CNTN5: variants seen among roughly 807,000 people sequenced by gnomAD.
CNTN5 encodes contactin-5.
In CNTN5, 77 loss-of-function variants were observed where a neutral mutation model predicts 129.1. The ratio of observed to expected loss-of-function variants is 0.60; its 90% CI spans 0.50 to 0.72. CNTN5 has a LOEUF of 0.72. CNTN5 is among the 30% of genes least tolerant of loss of function. CNTN5 has a pLI of 0.00. For missense variants in CNTN5, 1,478 were observed against 1,328.8 expected (o/e 1.11, Z -1.75); for synonymous variants, 509 against 465.6 (o/e 1.09, Z -1.20).
chr11:100,352,342 T>C (rs936354468), intron 24 of CNTN5, among the ~76,000 whole-genome samples: 3 of 151,770 alleles, frequency 2.0e-5, no homozygotes, highest in Non-Finnish European at 4.4e-5. Context: ...AGATATTACA[T>C]CAACATTCAT....
intron 13 of CNTN5, among the ~76,000 whole-genome samples, chr11:100,157,609 T>C (rs1947295103): frequency 6.6e-6 from 1 of 151,742 alleles, no homozygotes; most frequent in African/African-American, 2.4e-5. Context: ...GAAAATTATA[T>C]GAAAGTGCGA....
intron 18 of CNTN5, among the ~76,000 whole-genome samples, chr11:100,295,198 TTTACA>T (rs1951076935): frequency 6.6e-6 from 1 of 151,652 alleles, no homozygotes; most frequent in African/African-American, 2.4e-5. Flanking sequence ...ATCTTATTTC[TTTACA>T]TTAAGTTGAA....
intron 1 of CNTN5, among the ~76,000 whole-genome samples, chr11:99,287,488 G>A (rs1185904650): frequency 6.6e-6 from 1 of 152,002 alleles, no homozygotes; most frequent in Admixed American, 6.6e-5. Flanking sequence ...CTTACAGGCA[G>A]GGAAGTTAAG....
chr11:99,985,739 C>T (rs1305514005), intron 8 of CNTN5, among the ~76,000 whole-genome samples: 2 of 152,086 alleles, frequency 1.3e-5, no homozygotes, highest in Admixed American at 6.6e-5. Context: ...TCATGACATC[C>T]TTTTTTAGCC....
intron 6 of CNTN5, among the ~76,000 whole-genome samples, chr11:99,887,247 C>T (rs1948925223): frequency 6.6e-6 from 1 of 152,098 alleles, no homozygotes; most frequent in Admixed American, 6.6e-5. Flanking sequence ...TGGTTTTGAC[C>T]AATGATGTGG....
At chr11:99,934,269 TTC>T (rs1184603394) in intron 7 of CNTN5, among the ~76,000 whole-genome samples, 4 of 152,216 alleles carry the variant, frequency 2.6e-5, no homozygotes, top group Non-Finnish European at 5.9e-5. Flanking sequence ...TGCTTTTTCT[TTC>T]TCTTAGTTGA....
chr11:99,180,312 C>T (rs1857986694), intron 1 of CNTN5, among the ~76,000 whole-genome samples: 1 of 152,188 alleles, frequency 6.6e-6, no homozygotes, highest in South Asian at 2.1e-4. Context: ...GGATTCACCA[C>T]CAGACTGGGA....
At chr11:99,523,150 C>T (rs1316244460) in intron 2 of CNTN5, among the ~76,000 whole-genome samples, 1 of 152,222 alleles carries the variant, frequency 6.6e-6, no homozygotes, top group East Asian at 1.9e-4. Context: ...CCCCGTACAG[C>T]CTTTCTCATC....
At chr11:99,414,714 G>A (rs1182573815) in intron 2 of CNTN5, among the ~76,000 whole-genome samples, 1 of 152,116 alleles carries the variant, frequency 6.6e-6, no homozygotes, top group African/African-American at 2.4e-5. Flanking sequence ...GATATCTGGG[G>A]GAAATTATTT....
At chr11:99,259,744 T>C (rs956481322) in intron 1 of CNTN5, among the ~76,000 whole-genome samples, 4 of 151,886 alleles carry the variant, frequency 2.6e-5, no homozygotes, top group African/African-American at 9.7e-5. Context: ...AATTTCACAT[T>C]TCTAGGAGTA....
intron 2 of CNTN5, among the ~76,000 whole-genome samples, chr11:99,392,362 C>T (rs888969019): frequency 6.6e-6 from 1 of 151,724 alleles, no homozygotes; most frequent in Non-Finnish European, 1.5e-5. Flanking sequence ...CTCCTGTCTC[C>T]TATTTAGGTT....
intron 3 of CNTN5, among the ~76,000 whole-genome samples, chr11:99,778,471 TA>T (rs2135375082): frequency 6.6e-6 from 1 of 151,992 alleles, no homozygotes; most frequent in South Asian, 2.1e-4. Flanking sequence ...TATATTAGAA[TA>T]GATGGATAAA....
chr11:99,969,489 C>G (rs911756627), intron 8 of CNTN5, among the ~76,000 whole-genome samples: 7 of 152,094 alleles, frequency 4.6e-5, no homozygotes, highest in Non-Finnish European at 8.8e-5. Flanking sequence ...AACTACTTGA[C>G]ACTCAATTCT....
At chr11:100,318,132 T>G (rs961713071) in intron 21 of CNTN5, among the ~76,000 whole-genome samples, 11 of 150,488 alleles carry the variant, frequency 7.3e-5, no homozygotes, top group African/African-American at 2.0e-4. Flanking sequence ...TCCCAGCTAC[T>G]CGGTAGGCTG....
At chr11:99,196,438 C>T (rs1362551502) in intron 1 of CNTN5, among the ~76,000 whole-genome samples, 1 of 151,798 alleles carries the variant, frequency 6.6e-6, no homozygotes, top group Non-Finnish European at 1.5e-5. Context: ...GCATTTTTCT[C>T]CTCACATTTT....
intron 13 of CNTN5, among the ~76,000 whole-genome samples, chr11:100,184,782 A>G (rs1189694691): frequency 6.6e-6 from 1 of 152,174 alleles, no homozygotes; most frequent in African/African-American, 2.4e-5. Flanking sequence ...TACATATGAT[A>G]TATAGGGATC....
chr11:99,257,297 T>G (rs1350995827), intron 1 of CNTN5, among the ~76,000 whole-genome samples: 2 of 152,160 alleles, frequency 1.3e-5, no homozygotes, highest in Non-Finnish European at 2.9e-5. Flanking sequence ...ATTTCACATG[T>G]GAGGAAGTGA....
chr11:99,901,512 C>T (rs536937717), intron 6 of CNTN5, among the ~76,000 whole-genome samples: 12 of 152,178 alleles, frequency 7.9e-5, no homozygotes, highest in African/African-American at 1.2e-4. Flanking sequence ...AGGCTAGTCT[C>T]GAACTCCTGA....
chr11:99,450,860 G>A (rs1333188309), intron 2 of CNTN5, among the ~76,000 whole-genome samples: 2 of 143,958 alleles, frequency 1.4e-5, no homozygotes, highest in Non-Finnish European at 3.0e-5. Context: ...ATAAATATTA[G>A]CAACTAGGCC....
Sources: gnomAD v4.1 joint callset for allele counts (sites outside exome capture counted in the v4.1 genomes callset) on GRCh38, gnomAD v4.1.1 for gene constraint, MANE v1.5 for transcripts, NCBI Gene and HGNC (gene_info 2026-07-23, HGNC 2026-07-21) for gene names.